MYNN: variants seen among roughly 807,000 people sequenced by gnomAD.
MYNN encodes myoneurin.
Under a neutral mutation model 57.2 loss-of-function variants are expected in MYNN, and 22 were observed. The observed-to-expected ratio is 0.38, with a 90% CI of 0.27 to 0.55. The LOEUF is 0.55. Among genes scored for constraint, MYNN ranks in the 20% least tolerant of loss-of-function variants. MYNN has a pLI of 0.71. For synonymous variants in MYNN, 241 were observed against 257.1 expected, an observed-to-expected ratio of 0.94 and a Z score of 0.60; for missense variants, 566 against 723.1, an observed-to-expected ratio of 0.78 and a Z score of 2.49.
intron 4 of MYNN, among the ~76,000 whole-genome samples, chr3:169,780,988 T>C (rs1484785005): frequency 2.6e-5 from 4 of 152,130 alleles, no homozygotes; most frequent in Admixed American, 2.0e-4. Flanking sequence ...TGGTCCAGAA[T>C]GCAGCTTAAG....
Position 169,782,585 on chromosome 3 carries a change from C to T in MYNN, c.1341C>T (p.Thr447=), listed in dbSNP as rs773223500. 20 of 1,613,826 alleles carry T rather than the reference C, an allele frequency of 1.2e-5. No homozygotes were observed. In the East Asian group the frequency reaches 4.2e-4, roughly 34 times the overall value. The change falls in exon 5 of 8, where the codon ACC becomes ACT. Residue 447 remains threonine, a synonymous_variant. Coordinates refer to ENST00000349841, the MANE Select transcript of MYNN (RefSeq NM_018657.5). The surrounding 1 kb of genome is among the most constrained non-coding windows in gnomAD (Gnocchi z 4.8). The part of the protein sequence containing the change: ...HTGEKPYVCD[T]CGKAFAVSSS... ...GAGAAAAGCCTTATGTATGTGATACCTGTGGGAAGGCATTTGCTGTCTCTA... is the reference window on the plus strand; with the variant it reads ...GAGAAAAGCCTTATGTATGTGATACTTGTGGGAAGGCATTTGCTGTCTCTA...
At chr3:169,778,113 T>A (rs1778399955) in intron 2 of MYNN, 2 of 152,322 alleles carry the variant, frequency 1.3e-5, no homozygotes, top group African/African-American at 2.4e-5. Context: ...TCCCACTTAC[T>A]TGGGAAGCTG....
In MYNN at chr3:169,780,383, G is replaced by A. The variant is rs1381173841; in HGVS notation, c.1061-207G>A. On this transcript the variant is annotated intron_variant, in intron 3 of 7. Transcript: ENST00000349841. Reference sequence around the variant, plus strand: ...CTAGATTCGTACTTTTTAAAATGCTGTATGTATTTATCTCGTGAATTCAGA... The same window carrying A: ...CTAGATTCGTACTTTTTAAAATGCTATATGTATTTATCTCGTGAATTCAGA... 1.4e-5 allele frequency: 6 copies of A among 439,528 alleles called. 1 individual carries two copies. The South Asian group carries it at 2.6e-4, about 19-fold the overall frequency. The allele number at this position is 439,528 out of a possible 1,614,324, so 27.2% of individuals were successfully genotyped here.
chr3:169,778,940 C>G lies in MYNN; in HGVS notation c.439C>G (p.Leu147Val). The G allele has an allele frequency of 6.2e-7, 1 of 1,613,916 alleles. No homozygotes were observed. The highest frequency in any genetic ancestry group is 8.5e-7 in the Non-Finnish European group (1 of 1,180,002). Reference sequence around the variant, plus strand: ...GAATCAACAGACTTGTCTTCTTACTCTGCGAGATTATAATAATCGAGAGAA... The same window carrying G: ...GAATCAACAGACTTGTCTTCTTACTGTGCGAGATTATAATAATCGAGAGAA... The part of the protein sequence containing the change: ...ELNQQTCLLT[L>V]RDYNNREKSE... The change falls in exon 3 of 8, where the codon CTG becomes GTG. Residue 147 changes from leucine to valine, a missense_variant. Leu to Val is a conservative substitution (Grantham distance 32, BLOSUM62 1). Transcript: ENST00000349841.
chr3:169,778,691 T>C lies in MYNN; in HGVS notation c.267-77T>C, dbSNP rs1778421212. Reference sequence around the variant, plus strand: ...TGCTTCATTAGGTCTTTAAAATACATTGAAGTATATATGCAGCTCTGTTTC... The same window carrying C: ...TGCTTCATTAGGTCTTTAAAATACACTGAAGTATATATGCAGCTCTGTTTC... On this transcript the variant is annotated intron_variant, in intron 2 of 7. Transcript: ENST00000349841. 8 of 1,100,536 alleles carry C rather than the reference T, an allele frequency of 7.3e-6. No homozygotes were observed. The Admixed American group carries it at 1.6e-4, about 23-fold the overall frequency. The allele number at this position is 1,100,536 out of a possible 1,614,324, so 68.2% of individuals were successfully genotyped here.
rs1417272841 is a variant in MYNN, at chr3:169,788,671, GTAT to G, written c.*1998_*2000del. On this transcript the variant is annotated 3_prime_UTR_variant, in exon 8 of 8. Coordinates refer to ENST00000349841, the MANE Select transcript of MYNN (RefSeq NM_018657.5). ...TTAGCCTTCAAATTTATTATTTTTAGTATTATTTGATACGATTGAAGTGGCTAA... is the reference window on the plus strand; with the variant it reads ...TTAGCCTTCAAATTTATTATTTTTAGTATTTGATACGATTGAAGTGGCTAA... 2.0e-5 allele frequency: 3 copies of G among 152,058 alleles called. No individual in the cohort carries two copies. The highest frequency in any genetic ancestry group is 2.1e-4 in the South Asian group (1 of 4,824). The allele number at this position is 152,058 out of a possible 1,614,324, so 9.4% of individuals were successfully genotyped here. A position where few individuals can be genotyped will look rare whatever the true frequency, so the allele number is the denominator to read the frequency against.
At chr3:169,783,780 G>A (rs1778590515) in intron 6 of MYNN, 1 of 604,790 alleles carries the variant, frequency 1.7e-6, no homozygotes, top group Admixed American at 2.3e-5. Context: ...GGTTTTCCAA[G>A]AAATATGCCA....
At chr3:169,785,301 G>GT (rs1222112089) in intron 7 of MYNN, among the ~76,000 whole-genome samples, 2 of 151,764 alleles carry the variant, frequency 1.3e-5, no homozygotes, top group Non-Finnish European at 2.9e-5. Context: ...CTTAAACATC[G>GT]TAAGTATTAA....
Position 169,786,559 on chromosome 3 carries a change from G to C in MYNN, c.1714G>C (p.Asp572His), listed in dbSNP as rs554923763. The change falls in exon 8 of 8, where the codon GAC becomes CAC. Residue 572 changes from aspartate (D) to histidine (H), a missense_variant. By Grantham distance (81) the Asp-to-His change is moderately conservative (BLOSUM62 -1). Coordinates refer to ENST00000349841, the MANE Select transcript of MYNN (RefSeq NM_018657.5). The stretch of plus-strand genomic sequence containing the variant: ...ATTAGCTCTTCCACTTGGGACTGAG[G>C]ACCATCACATGCTTCTGCCTGTCAC... ...LPLALPLGTE[D>H]HHMLLPVTDT... The C allele has an allele frequency of 5.6e-5, 91 of 1,613,558 alleles. No homozygotes were observed. Among genetic ancestry groups the C allele is most frequent in the Non-Finnish European group, 7.7e-5 (91 of 1,179,678 alleles).
At chr3:169,785,045 T>C (rs762331075) in intron 7 of MYNN, among the ~76,000 whole-genome samples, 1 of 138,090 alleles carries the variant, frequency 7.2e-6, no homozygotes, top group Non-Finnish European at 1.6e-5. Context: ...TAACTCAGGG[T>C]TTACTATGGT....
chr3:169,779,713 T>G (rs1404279513), intron 3 of MYNN, 152 bp downstream of exon 3: 1 of 780,946 alleles, frequency 1.3e-6, no homozygotes, highest in East Asian at 2.7e-5. Flanking sequence ...TGTTGAAAAT[T>G]TATTTGTAAT....
rs1409149794 is a variant in MYNN, at chr3:169,787,824, C to T, written c.*1146C>T. ...ATGAATGTAGAAAATTCGTTATTAT[C>T]CTGATATTTGCACCACTCATCCCCA... On this transcript the variant is annotated 3_prime_UTR_variant, in exon 8 of 8. Transcript: ENST00000349841. 1.3e-5 allele frequency: 2 copies of T among 152,008 alleles called. No homozygotes were observed. The allele number at this position is 152,008 out of a possible 1,614,324, so 9.4% of individuals were successfully genotyped here. A position where few individuals can be genotyped will look rare whatever the true frequency, so the allele number is the denominator to read the frequency against.
rs139521740 is a variant in MYNN, at chr3:169,779,074, A to G, written c.573A>G (p.Thr191=). The change falls in exon 3 of 8, where the codon ACA becomes ACG. Residue 191 remains threonine (T), a synonymous_variant. Transcript: ENST00000349841. ...AGAAGGCTTTCAACTCCCCGAAAAC[A>G]GGGCAGAATAAAACAGTGCAATATC... The part of the protein sequence containing the change: ...KKKKAFNSPK[T]GQNKTVQYPS... 4.0e-5 allele frequency: 64 copies of G among 1,614,104 alleles called. 1 individual carries two copies. Among genetic ancestry groups the G allele is most frequent in the Non-Finnish European group, 5.3e-5 (62 of 1,180,060 alleles).
rs531978060 is a variant in MYNN, at chr3:169,781,452, G to A, written c.1220+703G>A. ...AGATAACAGTTTGGCAATCATTAGCGTTTGGCAGTCATCAGCATATGACAG... is the reference window on the plus strand; with the variant it reads ...AGATAACAGTTTGGCAATCATTAGCATTTGGCAGTCATCAGCATATGACAG... On this transcript the variant is annotated intron_variant, in intron 4 of 7. Coordinates refer to ENST00000349841, the MANE Select transcript of MYNN (RefSeq NM_018657.5). Among the ~76,000 whole-genome samples, 18 of 152,294 alleles carry A rather than the reference G, an allele frequency of 1.2e-4. No individual in the cohort carries two copies. In the South Asian group the frequency reaches 1.7e-3, roughly 14 times the overall value.
At chr3:169,777,448 AAATC>A (rs1042857804) in intron 2 of MYNN, 1 of 152,176 alleles carries the variant, frequency 6.6e-6, no homozygotes, top group Non-Finnish European at 1.5e-5. Context: ...TTAGGGAAAA[AAATC>A]AAGTAGGAAG....
chr3:169,774,243 A>G, intron 1 of MYNN, 22 bp from the exon 2 acceptor site: 1 of 1,572,058 alleles, frequency 6.4e-7, no homozygotes, highest in South Asian at 1.1e-5. Flanking sequence ...TTACTGATTT[A>G]CTGTTTCTTT....
Position 169,783,556 on chromosome 3 carries a change from T to C in MYNN, c.1479T>C (p.His493=). ...SGELNKHFRS[H]TGERPFICEL... ...AGCTCAACAAACACTTTCGGTCCCA[T>C]ACAGGTCTGTGTTTAGGGAGAACGT... Residue 493 remains histidine (H), a synonymous_variant, in exon 6 of 8, where the codon CAT becomes CAC. Coordinates refer to ENST00000349841, the MANE Select transcript of MYNN (RefSeq NM_018657.5). 1 of 1,604,102 alleles carries C rather than the reference T, an allele frequency of 6.2e-7. No individual in the cohort carries two copies. The highest frequency in any genetic ancestry group is 8.5e-7 in the Non-Finnish European group (1 of 1,172,220).
At position 169,782,739 on chromosome 3, in the gene MYNN, G is replaced by T; in HGVS notation, c.1399+96G>T. On this transcript the variant is annotated intron_variant, in intron 5 of 7. Transcript: ENST00000349841. This position sits in a 1 kb window ranked among gnomAD's most constrained non-coding sequence, Gnocchi z 4.8. ...AGCGAAGTAGATCGGAAACTTTGTA[G>T]TTAGATATCTGTTTATATTTCTATA... The T allele has an allele frequency of 1.1e-6, 1 of 897,136 alleles. No homozygotes were observed. Among genetic ancestry groups the T allele is most frequent in the Non-Finnish European group, 1.7e-6 (1 of 590,588 alleles). The allele number at this position is 897,136 out of a possible 1,614,324, so 55.6% of individuals were successfully genotyped here.
intron 3 of MYNN, chr3:169,780,365 C>T (rs1577397535): frequency 2.7e-6 from 1 of 374,606 alleles, no homozygotes; most frequent in Non-Finnish European, 4.7e-6. Flanking sequence ...GCCCTAGATT[C>T]GTACTTTTTA....
Sources: allele counts gnomAD v4.1 joint callset (sites outside exome capture counted in the v4.1 genomes callset), GRCh38; gene constraint gnomAD v4.1.1; non-coding constraint Gnocchi (gnomAD v3.1); transcripts MANE v1.5; gene names NCBI Gene and HGNC (gene_info 2026-07-23, HGNC 2026-07-21).